HERC6: variants seen among roughly 807,000 people sequenced by gnomAD.
HERC6 encodes HECT and RLD domain containing E3 ubiquitin protein ligase family member 6.
Under a neutral mutation model 114.5 loss-of-function variants are expected in HERC6, and 101 were observed. The observed-to-expected ratio is 0.88, with a 90% CI of 0.75 to 1.04. The LOEUF is 1.04. HERC6 is among the 50% of genes least tolerant of loss of function. The pLI is 0.00. For missense variants in HERC6, 1,133 were observed against 1,230.9 expected, an observed-to-expected ratio of 0.92 and a Z score of 1.19; for synonymous variants, 408 against 436.2, an observed-to-expected ratio of 0.94 and a Z score of 0.81.
At chr4:88,414,469 C>G (rs937270737) in intron 12 of HERC6, among the ~76,000 whole-genome samples, 9 of 152,074 alleles carry the variant, frequency 5.9e-5, no homozygotes, top group Non-Finnish European at 1.3e-4. Flanking sequence ...TTAGATCTCA[C>G]ACAAGAAATA....
intron 13 of HERC6, 59 bp downstream of exon 13, chr4:88,417,638 C>T (rs1736618371): frequency 2.1e-6 from 3 of 1,434,560 alleles, no homozygotes; most frequent in Non-Finnish European, 1.9e-6. Flanking sequence ...TCCCTTAAGT[C>T]TCAACCAGTT....
chr4:88,395,135 T>A (rs1319664220), intron 5 of HERC6, among the ~76,000 whole-genome samples: 1 of 152,330 alleles, frequency 6.6e-6, no homozygotes, highest in East Asian at 1.9e-4. Flanking sequence ...TGCCCCCAAT[T>A]ATTTTTGTTT....
At chr4:88,395,015 T>C (rs1328242908) in intron 5 of HERC6, among the ~76,000 whole-genome samples, 2 of 152,230 alleles carry the variant, frequency 1.3e-5, no homozygotes, top group African/African-American at 4.8e-5. Flanking sequence ...TTTCTTCCCA[T>C]TCTTGTCCTC....
chr4:88,439,818 A>T, intron 20 of HERC6, 56 bp from the exon 21 acceptor site: 1 of 1,311,460 alleles, frequency 7.6e-7, no homozygotes, highest in Non-Finnish European at 1.0e-6. Context: ...AAAATCTTTT[A>T]ATCATTGGCC....
At position 88,435,749 on chromosome 4, in the gene HERC6, T is replaced by C; in HGVS notation, c.2275T>C (p.Phe759Leu). ...AKPKPEKKRY[F>L]LFGMLCGLSL... ...GCCTAAACCTGAGAAGAAAAGATAT[T>C]TCCTCTTTGGAATGCTGTGTGGACT... is the stretch of plus-strand genomic sequence containing the variant. The change falls in exon 18 of 23, where the codon TTC (phenylalanine) becomes CTC (leucine). Residue 759 changes from phenylalanine (F) to leucine (L), a missense_variant. Phe to Leu is a conservative substitution (Grantham distance 22). Coordinates refer to ENST00000264346, the MANE Select transcript of HERC6 (RefSeq NM_017912.4). 6.4e-7 allele frequency: 1 copy of C among 1,572,602 alleles called. No individual in the cohort carries two copies.
chr4:88,442,726 G>A lies in HERC6; in HGVS notation c.*266G>A. On this transcript the variant is annotated 3_prime_UTR_variant, in exon 23 of 23. Coordinates refer to ENST00000264346, the MANE Select transcript of HERC6 (RefSeq NM_017912.4). ...GAGTCTGAACACTGGCCTGTGATTG[G>A]TCCATTCCAGGACCTTCATTTGCAT... is the stretch of plus-strand genomic sequence containing the variant. 2 of 490,256 alleles carry A rather than the reference G, an allele frequency of 4.1e-6. No individual in the cohort carries two copies. The highest frequency in any genetic ancestry group is 4.7e-5 in the South Asian group (2 of 42,158). 30.4% of individuals were successfully genotyped at this position (490,256 alleles called of 1,614,324 possible).
chr4:88,395,175 C>A (rs1436011179), intron 5 of HERC6, among the ~76,000 whole-genome samples: 13 of 151,708 alleles, frequency 8.6e-5, no homozygotes, highest in Non-Finnish European at 1.8e-4. Flanking sequence ...AATTAGAAAA[C>A]CCTCAATTGT....
chr4:88,425,484 C>T (rs1472409240), intron 15 of HERC6, among the ~76,000 whole-genome samples: 1 of 152,164 alleles, frequency 6.6e-6, no homozygotes, highest in African/African-American at 2.4e-5. Flanking sequence ...CCCTCTCCTC[C>T]TCTATCCAAT....
chr4:88,393,621 GA>G (rs1193204613), intron 5 of HERC6, 39 bp downstream of exon 5: 2 of 1,292,984 alleles, frequency 1.5e-6, no homozygotes, highest in African/African-American at 2.9e-5. Context: ...GAGTTCCAGA[GA>G]AATGGTAACA....
rs1042950693 is a variant in HERC6 at position 88,423,978 on chromosome 4, G to A, written c.1827+5G>A. ...CTCTTTCGGGATAACCACCTGGTAA[G>A]AATAACATTTTTACTTCTGAAAATG... On this transcript the variant is annotated splice_donor_5th_base_variant and intron_variant, in intron 14 of 22. Coordinates refer to ENST00000264346, the MANE Select transcript of HERC6 (RefSeq NM_017912.4). 7.7e-7 allele frequency: 1 copy of A among 1,305,140 alleles called. No individual in the cohort carries two copies. Among genetic ancestry groups the A allele is most frequent in the Middle Eastern group, 1.8e-4 (1 of 5,466 alleles). The allele number at this position is 1,305,140 out of a possible 1,614,324, so 80.8% of individuals were successfully genotyped here. A position where few individuals can be genotyped will look rare whatever the true frequency, so the allele number is the denominator to read the frequency against.
At chr4:88,420,582 T>G (rs868012113) in intron 13 of HERC6, among the ~76,000 whole-genome samples, 1 of 152,212 alleles carries the variant, frequency 6.6e-6, no homozygotes, top group Admixed American at 6.5e-5. Flanking sequence ...AGATAAATCA[T>G]GAGTACTTGA....
intron 12 of HERC6, 125 bp from the exon 13 acceptor site, chr4:88,417,300 T>TAAAAAA: frequency 1.1e-6 from 1 of 923,608 alleles, no homozygotes; most frequent in South Asian, 1.6e-5. Context: ...AAAAAGATAT[T>TAAAAAA]CATAAATTAT....
chr4:88,409,335 CT>C (rs1217952266), intron 11 of HERC6, among the ~76,000 whole-genome samples: 1 of 152,176 alleles, frequency 6.6e-6, no homozygotes, highest in East Asian at 1.9e-4. Context: ...GACAGCCAAC[CT>C]GTGAGGCTGG....
rs1327242673 is a variant in HERC6 at position 88,428,537 on chromosome 4, T to C, written c.1936-43T>C. On this transcript the variant is annotated intron_variant, in intron 15 of 22. Coordinates refer to ENST00000264346, the MANE Select transcript of HERC6 (RefSeq NM_017912.4). ...TATTAAACAATCCTTGGGATTCCTA[T>C]GAGGTCAAAAGGAGAAGCCAACTAA... 5 of 1,469,490 alleles carry C rather than the reference T, an allele frequency of 3.4e-6. No homozygotes were observed. In the South Asian group the frequency reaches 4.3e-5, roughly 13 times the overall value. 91.0% of individuals were successfully genotyped at this position (1,469,490 alleles called of 1,614,324 possible). A position where few individuals can be genotyped will look rare whatever the true frequency, so the allele number is the denominator to read the frequency against.
intron 3 of HERC6, among the ~76,000 whole-genome samples, chr4:88,389,880 G>A (rs60643870): frequency 0.34 from 51,323 of 151,814 alleles, 9,153 homozygotes; most frequent in African/African-American, 0.46. Flanking sequence ...TGTAGTATCT[G>A]AGAAAGTCAA....
At chr4:88,397,805 A>G (rs1397524721) in intron 7 of HERC6, among the ~76,000 whole-genome samples, 2 of 152,226 alleles carry the variant, frequency 1.3e-5, no homozygotes, top group East Asian at 3.8e-4. Context: ...AAGCAAGTTT[A>G]TTAAGAAAGT....
At chr4:88,383,077 C>A in intron 1 of HERC6, 144 bp from the exon 2 acceptor site, 2 of 967,172 alleles carry the variant, frequency 2.1e-6, no homozygotes, top group South Asian at 1.7e-5. Flanking sequence ...TTAGAATGGA[C>A]TTAAGGTCTT....
At chr4:88,379,336 G>A (rs1734040765) in intron 1 of HERC6, among the ~76,000 whole-genome samples, 1 of 152,094 alleles carries the variant, frequency 6.6e-6, no homozygotes, top group African/African-American at 2.4e-5. Context: ...AGAGCCACAG[G>A]AACCAGGAAA....
At chr4:88,408,733 A>G in intron 11 of HERC6, 116 bp downstream of exon 11, 1 of 710,056 alleles carries the variant, frequency 1.4e-6, no homozygotes, top group South Asian at 1.7e-5. Context: ...CTTCCTGCCC[A>G]CTGCAGAAAC....
Sources: allele counts gnomAD v4.1 joint callset (sites outside exome capture counted in the v4.1 genomes callset), GRCh38; gene constraint gnomAD v4.1.1; transcripts MANE v1.5; gene names NCBI Gene and HGNC (gene_info 2026-07-23, HGNC 2026-07-21).